MBTD1: variants seen among roughly 807,000 people sequenced by gnomAD.
MBTD1 encodes the protein MBT domain-containing protein 1.
A neutral mutation model predicts 87.8 loss-of-function variants in MBTD1; 24 were observed. The ratio of observed to expected loss-of-function variants is 0.27; its 90% CI spans 0.20 to 0.38. MBTD1 has a LOEUF of 0.38. Among genes scored for constraint, MBTD1 ranks in the 10% least tolerant of loss-of-function variants. The pLI is 1.00. For missense variants in MBTD1, 436 were observed against 760.2 expected, an observed-to-expected ratio of 0.57 and a Z score of 5.02; for synonymous variants, 237 against 248.6, an observed-to-expected ratio of 0.95 and a Z score of 0.44.
In MBTD1 at chr17:51,225,022, C is replaced by A; in HGVS notation, c.140G>T (p.Gly47Val). 1.3e-6 allele frequency: 2 copies of A among 1,545,408 alleles called. No individual in the cohort carries two copies. Among genetic ancestry groups the A allele is most frequent in the Non-Finnish European group, 1.7e-6 (2 of 1,143,042 alleles). The change falls in exon 3 of 17, where the codon GGT becomes GTT. Residue 47 changes from glycine to valine, a missense_variant. By Grantham distance (109) the Gly-to-Val change is moderately radical. Transcript: ENST00000586178. ...TAAATACTCACCCATGCCAGATTTA[C>A]CATCTGGGTATGTGTAGACTTGCCC... is the stretch of plus-strand genomic sequence containing the variant. ...NNGQVYTYPD[G>V]KSGMATCEMC...
At chr17:51,239,813 T>C (rs1263497954) in intron 2 of MBTD1, among the ~76,000 whole-genome samples, 1 of 152,182 alleles carries the variant, frequency 6.6e-6, no homozygotes, top group East Asian at 1.9e-4. Context: ...TATCCTTCAA[T>C]GTGCCTTTCC....
intron 7 of MBTD1, 22 bp from the exon 8 acceptor site, chr17:51,203,947 C>T: frequency 6.4e-7 from 1 of 1,556,780 alleles, no homozygotes; most frequent in South Asian, 1.2e-5. Context: ...AAATAAATCA[C>T]TACATAATAA....
intron 3 of MBTD1, among the ~76,000 whole-genome samples, chr17:51,224,337 G>C (rs1404628519): frequency 1.3e-5 from 2 of 152,128 alleles, no homozygotes; most frequent in Non-Finnish European, 2.9e-5. Flanking sequence ...CTAGAACGAA[G>C]GGTTCTATTG....
chr17:51,248,385 T>C (rs1013784798), intron 2 of MBTD1, among the ~76,000 whole-genome samples: 4 of 152,208 alleles, frequency 2.6e-5, no homozygotes, highest in Admixed American at 2.6e-4. Context: ...TAGTATTATG[T>C]AGTACTTTTC....
At position 51,228,624 on chromosome 17, in the gene MBTD1, T is replaced by C. The variant is rs558739260; in HGVS notation, c.-48-3415A>G. ...AAAAAGGACAAAAAAAAAAAAAAAT[T>C]GGGAGGCTGGGCGCGGTGGGTCACG... is the stretch of plus-strand genomic sequence containing the variant. On this transcript the variant is annotated intron_variant, in intron 2 of 16. Coordinates refer to ENST00000586178, the MANE Select transcript of MBTD1 (RefSeq NM_017643.3). Among the ~76,000 whole-genome samples, 12 of 138,770 alleles carry C rather than the reference T, an allele frequency of 8.6e-5. No homozygotes were observed. The South Asian group carries it at 1.2e-3, about 13-fold the overall frequency. 91.0% of individuals were successfully genotyped at this position (138,770 alleles called of 152,430 possible).
rs774026870 is a variant in MBTD1 at position 51,202,693 on chromosome 17, G to C, written c.1063+8C>G. 246 of 1,603,164 alleles carry C rather than the reference G, an allele frequency of 1.5e-4. 1 individual carries two copies. The highest frequency in any genetic ancestry group is 1.9e-4 in the Non-Finnish European group (223 of 1,170,162). On this transcript the variant is annotated splice_region_variant and intron_variant, in intron 10 of 16. Coordinates refer to ENST00000586178, the MANE Select transcript of MBTD1 (RefSeq NM_017643.3). ...CTTTTGACAGGAGTTCTTGTGATAG[G>C]TGCTTACCAGATCTTTTGAATCGAT... is the stretch of plus-strand genomic sequence containing the variant.
intron 16 of MBTD1, chr17:51,183,808 C>T (rs1212870779): frequency 2.0e-5 from 3 of 152,082 alleles, no homozygotes; most frequent in African/African-American, 7.2e-5. Context: ...AGAAAATACA[C>T]ACATGGAAAA....
At chr17:51,231,183 G>A (rs1292938662) in intron 2 of MBTD1, among the ~76,000 whole-genome samples, 2 of 152,060 alleles carry the variant, frequency 1.3e-5, no homozygotes, top group African/African-American at 4.8e-5. Context: ...TGATCTGCCC[G>A]CCTTGGCCTC....
At chr17:51,235,801 C>T (rs1372651117) in intron 2 of MBTD1, among the ~76,000 whole-genome samples, 1 of 152,122 alleles carries the variant, frequency 6.6e-6, no homozygotes, top group East Asian at 1.9e-4. Flanking sequence ...AAATCAAAAG[C>T]TTGTTCTAAA....
At chr17:51,209,644 G>A (rs778605928) in intron 6 of MBTD1, among the ~76,000 whole-genome samples, 9 of 152,210 alleles carry the variant, frequency 5.9e-5, no homozygotes, top group African/African-American at 9.6e-5. Context: ...CTGCACACAC[G>A]ATGCTTTATG....
chr17:51,193,365 C>T, intron 14 of MBTD1, 63 bp downstream of exon 14: 1 of 1,116,066 alleles, frequency 9.0e-7, no homozygotes, highest in Non-Finnish European at 1.3e-6. Flanking sequence ...TTTTTATGAA[C>T]ATAAATTGTA....
At chr17:51,189,372 G>A (rs2050695387) in intron 16 of MBTD1, among the ~76,000 whole-genome samples, 1 of 152,114 alleles carries the variant, frequency 6.6e-6, no homozygotes, top group African/African-American at 2.4e-5. Flanking sequence ...ATACTATTAG[G>A]AAATAGTGAA....
intron 2 of MBTD1, among the ~76,000 whole-genome samples, chr17:51,237,309 A>AG (rs2053903888): frequency 6.6e-6 from 1 of 151,652 alleles, no homozygotes; most frequent in African/African-American, 2.4e-5. Context: ...AAAAAAAAAA[A>AG]AAAAAAGAAA....
intron 16 of MBTD1, among the ~76,000 whole-genome samples, chr17:51,189,150 A>T (rs1049783939): frequency 7.5e-6 from 1 of 132,566 alleles, no homozygotes. Context: ...TTTAATGTAA[A>T]TATTTATATA....
chr17:51,194,368 G>A (rs917082096), intron 13 of MBTD1, among the ~76,000 whole-genome samples: 3 of 151,722 alleles, frequency 2.0e-5, no homozygotes, highest in African/African-American at 7.3e-5. Context: ...CCAGGAGTTC[G>A]TGATGAGCCT....
chr17:51,203,270 A>G (rs751455766), intron 8 of MBTD1, 42 bp from the exon 9 acceptor site: 1 of 966,104 alleles, frequency 1.0e-6, no homozygotes, highest in Non-Finnish European at 1.5e-6. Context: ...AGCAAAAAAG[A>G]ACTGCTTCAT....
At chr17:51,250,767 T>C (rs544763620) in intron 2 of MBTD1, 1 of 152,348 alleles carries the variant, frequency 6.6e-6, no homozygotes, top group African/African-American at 2.4e-5. Context: ...TCTTGGATTA[T>C]AGTTTTAAAT....
At position 51,206,931 on chromosome 17, in the gene MBTD1, T is replaced by G. The variant is rs772034876; in HGVS notation, c.561A>C (p.Leu187=). The change falls in exon 7 of 17, where the codon CTA becomes CTC. Residue 187 remains leucine (L), a synonymous_variant. Transcript: ENST00000586178. ...RVEVPNTDCS[L]PTKVFWIAGI... ...CAGCAATCCAGAAGACTTTGGTAGG[T>G]AGGCTGCAGTCTGTATTGGGAACTT... The G allele has an allele frequency of 6.2e-7, 1 of 1,613,830 alleles. No homozygotes were observed.
At chr17:51,212,030 A>C (rs1598345928) in intron 6 of MBTD1, among the ~76,000 whole-genome samples, 1 of 152,214 alleles carries the variant, frequency 6.6e-6, no homozygotes, top group Non-Finnish European at 1.5e-5. Context: ...AGAGTATGTC[A>C]CGTAAGTAAC....
Sources: allele counts gnomAD v4.1 joint callset (sites outside exome capture counted in the v4.1 genomes callset), GRCh38; gene constraint gnomAD v4.1.1; transcripts MANE v1.5; gene names NCBI Gene and HGNC (gene_info 2026-07-23, HGNC 2026-07-21).